FAM53B: variants seen among roughly 807,000 people sequenced by gnomAD.
The protein encoded by FAM53B is protein FAM53B.
FAM53B carries 12 observed loss-of-function variants against 32.7 expected under a neutral mutation model. That is an observed-to-expected ratio of 0.37 (90% CI 0.24 to 0.59). FAM53B has a LOEUF of 0.59. FAM53B is among the 20% of genes least tolerant of loss of function. The pLI, the probability that FAM53B is intolerant of heterozygous loss-of-function variation, is 0.72. For missense variants in FAM53B, 477 were observed against 577.7 expected (o/e 0.83, Z 1.79); for synonymous variants, 234 against 228.7 (o/e 1.02, Z -0.21).
chr10:124,740,839 G>T (rs1589770460), intron 1 of FAM53B, among the ~76,000 whole-genome samples: 1 of 152,212 alleles, frequency 6.6e-6, no homozygotes, highest in African/African-American at 2.4e-5. Flanking sequence ...GGGGAGGGTA[G>T]CAGCCGGACG....
chr10:124,657,114 G>GTATATACATATATA lies in FAM53B; in HGVS notation c.906+24492_906+24493insTATATATGTATATA, dbSNP rs1554904645. ...TATATATATGTGTATATATATGTGT[G>GTATATACATATATA]TGTGTATATATATGTGTGTATATAC... On this transcript the variant is annotated intron_variant, in intron 4 of 4. Coordinates refer to ENST00000337318, the MANE Select transcript of FAM53B (RefSeq NM_014661.4). Among the ~76,000 whole-genome samples, 66 of 138,014 alleles carry GTATATACATATATA rather than the reference G, an allele frequency of 4.8e-4. No individual in the cohort carries two copies. In the East Asian group the frequency reaches 0.011, roughly 23 times the overall value. The allele number at this position is 138,014 out of a possible 152,430, so 90.5% of individuals were successfully genotyped here. A position where few individuals can be genotyped will look rare whatever the true frequency, so the allele number is the denominator to read the frequency against.
At chr10:124,646,196 G>A (rs553223904) in intron 4 of FAM53B, among the ~76,000 whole-genome samples, 2 of 152,342 alleles carry the variant, frequency 1.3e-5, no homozygotes, top group Admixed American at 1.3e-4. Flanking sequence ...GCTCTCCACA[G>A]ACCCACAAGC....
chr10:124,641,937 T>G lies in FAM53B; in HGVS notation c.907-18333A>C, dbSNP rs374907064. 2.6e-5 allele frequency among the ~76,000 whole-genome samples: 4 copies of G among 152,320 alleles called. No individual in the cohort carries two copies. The South Asian group carries it at 8.3e-4, about 32-fold the overall frequency. ...TGTGCCAGTGATACTATTTTATAGTTGAGGAAACAGAGGCCTAGAGAGGCT... is the reference window on the plus strand; with the variant it reads ...TGTGCCAGTGATACTATTTTATAGTGGAGGAAACAGAGGCCTAGAGAGGCT... On this transcript the variant is annotated intron_variant, in intron 4 of 4. Transcript: ENST00000337318.
intron 4 of FAM53B, among the ~76,000 whole-genome samples, chr10:124,647,832 T>C (rs964365447): frequency 2.6e-5 from 4 of 152,154 alleles, no homozygotes; most frequent in African/African-American, 7.2e-5. Context: ...AGGAGCTTCA[T>C]AGCTCAAGGG....
chr10:124,635,821 A>G (rs1949427041), intron 4 of FAM53B, among the ~76,000 whole-genome samples: 1 of 152,114 alleles, frequency 6.6e-6, no homozygotes, highest in Admixed American at 6.5e-5. Context: ...GCAGTGGAAC[A>G]CCGTGCAGCC....
At position 124,654,187 on chromosome 10, in the gene FAM53B, G is replaced by A. The variant is rs1949572033; in HGVS notation, c.906+27420C>T. 2.0e-5 allele frequency among the ~76,000 whole-genome samples: 3 copies of A among 152,266 alleles called. No homozygotes were observed. In the South Asian group the frequency reaches 6.2e-4, roughly 31 times the overall value. Reference sequence around the variant, plus strand: ...AATTAGGAAGCATTGTGAGAAAAATGCATGTTGTGAATGAAACGCTGCGCC... The same window carrying A: ...AATTAGGAAGCATTGTGAGAAAAATACATGTTGTGAATGAAACGCTGCGCC... On this transcript the variant is annotated intron_variant, in intron 4 of 4. Transcript: ENST00000337318.
At chr10:124,700,686 G>C (rs1949909883) in intron 2 of FAM53B, among the ~76,000 whole-genome samples, 1 of 152,224 alleles carries the variant, frequency 6.6e-6, no homozygotes, top group African/African-American at 2.4e-5. Flanking sequence ...CTTAAATAAA[G>C]ACACAATTAA....
At chr10:124,642,280 C>G (rs1057250705) in intron 4 of FAM53B, among the ~76,000 whole-genome samples, 1 of 152,238 alleles carries the variant, frequency 6.6e-6, no homozygotes, top group Admixed American at 6.5e-5. Flanking sequence ...AAGGCACGGG[C>G]TCCAGGGAAG....
At chr10:124,729,243 C>G (rs1025807282) in intron 1 of FAM53B, among the ~76,000 whole-genome samples, 4 of 152,232 alleles carry the variant, frequency 2.6e-5, no homozygotes, top group East Asian at 3.8e-4. Flanking sequence ...TGATCTCACC[C>G]CTCCACTGGC....
Position 124,621,618 on chromosome 10 carries a change from C to G in FAM53B, c.*1624G>C, listed in dbSNP as rs1213269000. 6.6e-6 allele frequency: 1 copy of G among 152,244 alleles called. No individual in the cohort carries two copies. The highest frequency in any genetic ancestry group is 2.4e-5 in the African/African-American group (1 of 41,462). The allele number at this position is 152,244 out of a possible 1,614,324, so 9.4% of individuals were successfully genotyped here. On this transcript the variant is annotated 3_prime_UTR_variant, in exon 5 of 5. Transcript: ENST00000337318. ...AGAAGTGCCACCCACATATTGGGAA[C>G]TTGAACCACCATCCTTTTGATGTAG...
intron 4 of FAM53B, among the ~76,000 whole-genome samples, chr10:124,668,127 G>C (rs781295150): frequency 1.3e-5 from 2 of 152,212 alleles, no homozygotes; most frequent in Non-Finnish European, 2.9e-5. Flanking sequence ...TTTTCCCTGC[G>C]TGAATCAAGC....
intron 2 of FAM53B, among the ~76,000 whole-genome samples, chr10:124,696,834 A>G (rs1028818080): frequency 2.0e-5 from 3 of 152,180 alleles, no homozygotes; most frequent in African/African-American, 7.2e-5. Flanking sequence ...CATAACAGCT[A>G]TGGCTTTTGA....
At chr10:124,734,881 C>T (rs1950164629) in intron 1 of FAM53B, among the ~76,000 whole-genome samples, 1 of 152,246 alleles carries the variant, frequency 6.6e-6, no homozygotes, top group Non-Finnish European at 1.5e-5. Context: ...CCTGCACCAA[C>T]AGAAGCCAAG....
At chr10:124,705,958 C>T (rs1378794400) in intron 2 of FAM53B, among the ~76,000 whole-genome samples, 8 of 152,244 alleles carry the variant, frequency 5.3e-5, no homozygotes, top group Admixed American at 5.2e-4. Flanking sequence ...CTCCACAAGA[C>T]TGCTTATGAC....
At chr10:124,735,606 T>A (rs192222771) in intron 1 of FAM53B, among the ~76,000 whole-genome samples, 3 of 152,378 alleles carry the variant, frequency 2.0e-5, no homozygotes, top group Admixed American at 2.0e-4. Flanking sequence ...CTGTATCTTG[T>A]CATCACTGAC....
chr10:124,704,368 T>C (rs1270672791), intron 2 of FAM53B: 1 of 152,214 alleles, frequency 6.6e-6, no homozygotes, highest in African/African-American at 2.4e-5. Context: ...AAAGCTCCCA[T>C]TCTAGTATAA....
chr10:124,725,062 C>G lies in FAM53B; in HGVS notation c.-174-18175G>C, dbSNP rs150406008. On this transcript the variant is annotated intron_variant, in intron 1 of 4. Coordinates refer to ENST00000337318, the MANE Select transcript of FAM53B (RefSeq NM_014661.4). ...AGGAGCGAGAGTAGAAGGGGGAACA[C>G]TCCTTGACAAAACAAAACTGTGAGG... Among the ~76,000 whole-genome samples, 62 of 152,322 alleles carry G rather than the reference C, an allele frequency of 4.1e-4. 1 individual carries two copies. The East Asian group carries it at 0.011, about 27-fold the overall frequency.
At chr10:124,699,859 A>G (rs747022823) in intron 2 of FAM53B, among the ~76,000 whole-genome samples, 9 of 152,226 alleles carry the variant, frequency 5.9e-5, no homozygotes, top group Non-Finnish European at 1.0e-4. Context: ...ACCTGCTTCT[A>G]AAGTCCTCCC....
rs200079175 is a variant in FAM53B, at chr10:124,682,303, G to A, written c.210C>T (p.Cys70=). 3.7e-6 allele frequency: 6 copies of A among 1,613,918 alleles called. No individual in the cohort carries two copies. The Admixed American group carries it at 6.7e-5, about 18-fold the overall frequency. ...IDQPSTSIWE[C]LPEKDSSLWH... Reference sequence around the variant, plus strand: ...ATAGTGAGCTGTCCTTTTCAGGCAGGCATTCCCAGATGCTGGTGCTCGGTT... The same window carrying A: ...ATAGTGAGCTGTCCTTTTCAGGCAGACATTCCCAGATGCTGGTGCTCGGTT... The change falls in exon 4 of 5, where the codon TGC becomes TGT. Residue 70 remains cysteine (C), a synonymous_variant. Coordinates refer to ENST00000337318, the MANE Select transcript of FAM53B (RefSeq NM_014661.4). This position sits in a 1 kb window ranked among gnomAD's most constrained non-coding sequence, Gnocchi z 5.2.
Sources: allele counts gnomAD v4.1 joint callset (sites outside exome capture counted in the v4.1 genomes callset), GRCh38; gene constraint gnomAD v4.1.1; non-coding constraint Gnocchi (gnomAD v3.1); transcripts MANE v1.5; gene names NCBI Gene and HGNC (gene_info 2026-07-23, HGNC 2026-07-21).